A2ML1: variants seen among roughly 807,000 people sequenced by gnomAD.
A2ML1 encodes alpha-2-macroglobulin like 1.
In A2ML1, 161 loss-of-function variants were observed where a neutral mutation model predicts 181.9. The ratio of observed to expected loss-of-function variants is 0.89; its 90% CI spans 0.78 to 1.01. The LOEUF is 1.01. A2ML1 is among the 50% of genes least tolerant of loss of function. A2ML1 has a pLI of 0.00. For synonymous variants in A2ML1, 663 were observed against 666.8 expected, an observed-to-expected ratio of 0.99 and a Z score of 0.09; for missense variants, 1,670 against 1,768.1, an observed-to-expected ratio of 0.94 and a Z score of 1.00.
At chr12:8,880,187 A>G (rs1221748214), downstream of A2ML1, among the ~76,000 whole-genome samples, 2 of 144,434 alleles carry the variant, frequency 1.4e-5, no homozygotes, top group Non-Finnish European at 3.0e-5. Context: ...AATATGGTGA[A>G]ACCTCGTCTG....
intron 15 of A2ML1, among the ~76,000 whole-genome samples, 153 bp downstream of exon 15, chr12:8,847,851 G>A (rs932088626): frequency 6.6e-6 from 1 of 152,096 alleles, no homozygotes; most frequent in Non-Finnish European, 1.5e-5. Flanking sequence ...GTTAGAAAGT[G>A]TAAGAGGGCT....
intron 4 of A2ML1, among the ~76,000 whole-genome samples, chr12:8,831,319 T>G (rs937806848): frequency 6.6e-6 from 1 of 152,148 alleles, no homozygotes; most frequent in African/African-American, 2.4e-5. Flanking sequence ...GTTCAAAGCG[T>G]GGCCCGCAGC....
intron 13 of A2ML1, among the ~76,000 whole-genome samples, 183 bp from the exon 14 acceptor site, chr12:8,845,894 A>AAAAT (rs1270601435): frequency 1.0e-3 from 87 of 87,138 alleles, no homozygotes; most frequent in Non-Finnish European, 1.4e-3. Flanking sequence ...TAAAATAAAA[A>AAAAT]AATTCTTATC....
chr12:8,883,666 C>T (rs10842450), intron 7 of A2ML1, among the ~76,000 whole-genome samples: 51,015 of 151,650 alleles, frequency 0.34, 9,567 homozygotes, highest in Non-Finnish European at 0.4. Context: ...TTACTAGAGA[C>T]GGTGTTTCAC....
At chr12:8,849,787 C>A in intron 17 of A2ML1, 28 bp downstream of exon 17, 1 of 1,598,826 alleles carries the variant, frequency 6.3e-7, no homozygotes, top group African/African-American at 1.3e-5. Flanking sequence ...TCTGTGGATT[C>A]TCTGAGATGT....
chr12:8,829,401 G>A (rs373244120), intron 3 of A2ML1, among the ~76,000 whole-genome samples: 5 of 152,264 alleles, frequency 3.3e-5, no homozygotes, highest in South Asian at 2.1e-4. Context: ...GGTGGCTCAC[G>A]CCTATAATCC....
In A2ML1 at chr12:8,836,481, CT is replaced by C. The variant is rs751110394; in HGVS notation, c.728+161del. On this transcript the variant is annotated intron_variant, in intron 7 of 35. Coordinates refer to ENST00000299698, the MANE Select transcript of A2ML1 (RefSeq NM_144670.6). ...TTCAGAGTCATGGCTTATCCAAGAC[CT>C]TTTTTTTTTTTTTTTTTTGAGACAA... The C allele has an allele frequency of 0.32, 125,135 of 388,714 alleles. 5,027 individuals are homozygous for C. The highest frequency in any genetic ancestry group is 0.34 in the Non-Finnish European group (74,670 of 221,202). 24.1% of individuals were successfully genotyped at this position (388,714 alleles called of 1,614,324 possible). A position where few individuals can be genotyped will look rare whatever the true frequency, so the allele number is the denominator to read the frequency against.
At chr12:8,834,971 G>T in intron 5 of A2ML1, 1 of 465,378 alleles carries the variant, frequency 2.1e-6, no homozygotes. Flanking sequence ...ACCAGGCTTG[G>T]TTCCATACTC....
chr12:8,842,876 C>A (rs1943538005), intron 11 of A2ML1, among the ~76,000 whole-genome samples: 1 of 152,200 alleles, frequency 6.6e-6, no homozygotes, highest in Non-Finnish European at 1.5e-5. Flanking sequence ...GAAGATACAT[C>A]ACCCACAATT....
chr12:8,847,098 C>CTTTTTTTTTTT (rs1212257948), intron 14 of A2ML1, among the ~76,000 whole-genome samples: 144 of 93,258 alleles, frequency 1.5e-3, no homozygotes, highest in African/African-American at 4.2e-3. Context: ...CCATGCCTGG[C>CTTTTTTTTTTT]TTTTTTTTTT....
chr12:8,825,046 C>T (rs1942884695), intron 3 of A2ML1, among the ~76,000 whole-genome samples: 1 of 152,194 alleles, frequency 6.6e-6, no homozygotes, highest in Non-Finnish European at 1.5e-5. Context: ...AATACTGATG[C>T]CATAAACATG....
rs1291176752 is a variant in A2ML1 at position 8,874,500 on chromosome 12, A to G, written c.4297A>G (p.Ile1433Val). The change falls in exon 34 of 36, where the codon ATC (isoleucine) becomes GTC (valine). Residue 1433 changes from isoleucine (I) to valine (V), a missense_variant. Physicochemically the swap from Ile to Val is conservative, Grantham distance 29. Transcript: ENST00000299698. ...GGTCACCAACTTGAAACCAGCAACC[A>G]TCAAGGTCTATGACTACTACCTACC... is the stretch of plus-strand genomic sequence containing the variant. The part of the protein sequence containing the change: ...VLVTNLKPAT[I>V]KVYDYYLPDE... 2 of 1,614,024 alleles carry G rather than the reference A, an allele frequency of 1.2e-6. No individual in the cohort carries two copies. The highest frequency in any genetic ancestry group is 1.7e-6 in the Non-Finnish European group (2 of 1,179,914).
chr12:8,845,588 C>A (rs1592127513), intron 13 of A2ML1, 86 bp downstream of exon 13: 2 of 1,395,732 alleles, frequency 1.4e-6, no homozygotes, highest in Middle Eastern at 1.9e-4. Context: ...TGGCTCATGC[C>A]TGTAATCCCA....
At chr12:8,851,692 C>A in intron 18 of A2ML1, 92 bp from the exon 19 acceptor site, 1 of 1,229,812 alleles carries the variant, frequency 8.1e-7, no homozygotes, top group African/African-American at 1.5e-5. Flanking sequence ...AAGTGTAAGC[C>A]AGCACACCCC....
chr12:8,872,821 A>G lies in A2ML1; in HGVS notation c.4222-1604A>G, dbSNP rs1438473002. The stretch of plus-strand genomic sequence containing the variant: ...AAAGAAAAAGAAAAAGAAAATAACT[A>G]TTTTCCAAAACAAAAAAATAAGAAT... On this transcript the variant is annotated intron_variant, in intron 33 of 35. Transcript: ENST00000299698. 2.6e-5 allele frequency among the ~76,000 whole-genome samples: 4 copies of G among 151,530 alleles called. No individual in the cohort carries two copies. In the South Asian group the frequency reaches 8.3e-4, roughly 31 times the overall value.
chr12:8,884,681 C>A (rs779411100), intron 7 of A2ML1, among the ~76,000 whole-genome samples: 1 of 152,340 alleles, frequency 6.6e-6, no homozygotes, highest in East Asian at 1.9e-4. Context: ...GGACAACAGG[C>A]ATGTGCCACC....
At chr12:8,847,755 A>G (rs1441050244) in intron 15 of A2ML1, 57 bp downstream of exon 15, 1 of 1,575,372 alleles carries the variant, frequency 6.3e-7, no homozygotes, top group Non-Finnish European at 8.6e-7. Flanking sequence ...AAGACAATTA[A>G]GAGGTAGGTT....
At chr12:8,845,244 T>C (rs1195540143) in intron 12 of A2ML1, 198 bp from the exon 13 acceptor site, 1 of 1,518,164 alleles carries the variant, frequency 6.6e-7, no homozygotes, top group Non-Finnish European at 8.9e-7. Context: ...GACCTCCAAC[T>C]GCAGGAGGAG....
Position 8,868,302 on chromosome 12 carries a change from G to C in A2ML1, c.4006G>C (p.Ala1336Pro). ...TAGTCTTAGTGTGGAAATAGGAAAA[G>C]CTAGATGTGAGCAACCGACTTCACC... Reference protein sequence around the residue: ...TFSLSVEIGKARCEQPTSPRS... With the variant: ...TFSLSVEIGKPRCEQPTSPRS... Residue 1336 changes from alanine to proline, a missense_variant, in exon 31 of 36, where the codon GCT becomes CCT. Transcript: ENST00000299698. 6.2e-7 allele frequency: 1 copy of C among 1,613,972 alleles called. No homozygotes were observed. The highest frequency in any genetic ancestry group is 8.5e-7 in the Non-Finnish European group (1 of 1,180,002).
Sources: gnomAD v4.1 joint callset for allele counts (sites outside exome capture counted in the v4.1 genomes callset) on GRCh38, gnomAD v4.1.1 for gene constraint, MANE v1.5 for transcripts, NCBI Gene and HGNC (gene_info 2026-07-23, HGNC 2026-07-21) for gene names.